Variants in PTPN12 observed in about 807,000 individuals in gnomAD.
PTPN12 encodes tyrosine-protein phosphatase non-receptor type 12.
In PTPN12, 29 loss-of-function variants were observed where a neutral mutation model predicts 97.6. That is an observed-to-expected ratio of 0.30 (90% CI 0.22 to 0.41). The LOEUF (loss-of-function observed/expected upper bound fraction) is 0.41, where lower values mean the gene tolerates loss of function less well. Ranked by LOEUF, PTPN12 falls within the 10% of genes least tolerant of loss-of-function variation. The pLI is 1.00. For synonymous variants in PTPN12, 327 were observed against 300.4 expected (o/e 1.09, Z -0.91); for missense variants, 819 against 926.0 (o/e 0.88, Z 1.50).
At chr7:77,586,667 G>C (rs1184333021) in intron 5 of PTPN12, among the ~76,000 whole-genome samples, 1 of 152,218 alleles carries the variant, frequency 6.6e-6, no homozygotes, top group African/African-American at 2.4e-5. Flanking sequence ...ATGCCATGCT[G>C]TTTGATAGCA....
chr7:77,547,909 C>T lies in PTPN12; in HGVS notation c.99+10264C>T, dbSNP rs117025135. ...TATAAAATAAGAAAATCTTATGTAC[C>T]CAAATAATAGGATTTCCAAAGGAAT... On this transcript the variant is annotated intron_variant, in intron 1 of 17. Coordinates refer to ENST00000248594, the MANE Select transcript of PTPN12 (RefSeq NM_002835.4). Among the ~76,000 whole-genome samples, 903 of 152,090 alleles carry T rather than the reference C, an allele frequency of 5.9e-3. 2 individuals are homozygous for T. The highest frequency in any genetic ancestry group is 1.0e-2 in the Non-Finnish European group (677 of 67,994).
Position 77,625,472 on chromosome 7 carries a change from G to GCTTGCGCGCTCTCTCTCTCTCTCTCT in PTPN12, c.1026-1231_1026-1230insTGCGCGCTCTCTCTCTCTCTCTCTCT, listed in dbSNP as rs1554326598. On this transcript the variant is annotated intron_variant, in intron 12 of 17. Transcript: ENST00000248594. Reference sequence around the variant, plus strand: ...TTTTGCCATATTGCCCAGGCTGCTCGCTCTCTCTCTCTCTCTCTCTCTCTC... The same window carrying GCTTGCGCGCTCTCTCTCTCTCTCTCT: ...TTTTGCCATATTGCCCAGGCTGCTCGCTTGCGCGCTCTCTCTCTCTCTCTCTCTCTCTCTCTCTCTCTCTCTCTCTC... Among the ~76,000 whole-genome samples, 9 of 33,530 alleles carry GCTTGCGCGCTCTCTCTCTCTCTCTCT rather than the reference G, an allele frequency of 2.7e-4. 1 individual carries two copies. The highest frequency in any genetic ancestry group is 1.2e-3 in the African/African-American group (9 of 7,530). 22.0% of individuals were successfully genotyped at this position (33,530 alleles called of 152,430 possible).
At chr7:77,626,049 G>A (rs1391853604) in intron 12 of PTPN12, among the ~76,000 whole-genome samples, 1 of 152,154 alleles carries the variant, frequency 6.6e-6, no homozygotes, top group Non-Finnish European at 1.5e-5. Flanking sequence ...GAGGCCAAAA[G>A]TTACTAACAA....
At chr7:77,637,831 C>T (rs1439666602) in intron 16 of PTPN12, among the ~76,000 whole-genome samples, 7 of 117,970 alleles carry the variant, frequency 5.9e-5, no homozygotes, top group Non-Finnish European at 8.0e-5. Flanking sequence ...CACTCCAACC[C>T]GGGCAACAAG....
chr7:77,553,117 A>G (rs1807554408), intron 1 of PTPN12, among the ~76,000 whole-genome samples: 1 of 152,212 alleles, frequency 6.6e-6, no homozygotes, highest in Non-Finnish European at 1.5e-5. Flanking sequence ...CCCTACATCC[A>G]AAATTTTTTG....
At chr7:77,600,115 C>T (rs943370784) in intron 7 of PTPN12, among the ~76,000 whole-genome samples, 19 of 152,040 alleles carry the variant, frequency 1.2e-4, no homozygotes, top group African/African-American at 4.6e-4. Context: ...GTACCCAGAC[C>T]GTATATTGAG....
rs141391997 is a variant in PTPN12 at position 77,565,496 on chromosome 7, A to G, written c.100-5582A>G. On this transcript the variant is annotated intron_variant, in intron 1 of 17. Transcript: ENST00000248594. ...TGAACTGCTGTTGAATGGTGGTGCT[A>G]TTTGGGCATGTTTGTGATGCCCATT... Among the ~76,000 whole-genome samples, 1,333 of 152,332 alleles carry G rather than the reference A, an allele frequency of 8.8e-3. 12 individuals carry two copies. The highest frequency in any genetic ancestry group is 9.1e-3 in the Non-Finnish European group (621 of 68,030).
At chr7:77,622,695 C>T (rs559715690) in intron 12 of PTPN12, among the ~76,000 whole-genome samples, 204 of 151,902 alleles carry the variant, frequency 1.3e-3, no homozygotes, top group Non-Finnish European at 2.3e-3. Flanking sequence ...CGCTTGAACC[C>T]GGGAGGCGGA....
intron 12 of PTPN12, among the ~76,000 whole-genome samples, chr7:77,626,133 G>A (rs763776561): frequency 6.6e-6 from 1 of 152,182 alleles, no homozygotes; most frequent in African/African-American, 2.4e-5. Flanking sequence ...CTGCAAGAAA[G>A]TTAGAAGAAA....
At chr7:77,632,834 A>G (rs932261519) in intron 14 of PTPN12, among the ~76,000 whole-genome samples, 3 of 152,136 alleles carry the variant, frequency 2.0e-5, no homozygotes, top group Non-Finnish European at 4.4e-5. Flanking sequence ...GTGGACACCT[A>G]TAATCTCAGC....
chr7:77,551,023 A>T (rs999229988), intron 1 of PTPN12, among the ~76,000 whole-genome samples: 38 of 152,174 alleles, frequency 2.5e-4, no homozygotes, highest in African/African-American at 7.0e-4. Flanking sequence ...ATGCTTCAGG[A>T]TCTTGATCCC....
intron 5 of PTPN12, among the ~76,000 whole-genome samples, chr7:77,590,312 C>T (rs1250829121): frequency 6.6e-6 from 1 of 152,174 alleles, no homozygotes; most frequent in Non-Finnish European, 1.5e-5. Flanking sequence ...GCTTTCTATT[C>T]TTAACTAAAT....
chr7:77,547,599 TG>T (rs1383855264), intron 1 of PTPN12, among the ~76,000 whole-genome samples: 1 of 152,130 alleles, frequency 6.6e-6, no homozygotes, highest in Non-Finnish European at 1.5e-5. Flanking sequence ...AGATAATATA[TG>T]TAAAGTTTCT....
At chr7:77,565,657 G>A (rs555602749) in intron 1 of PTPN12, among the ~76,000 whole-genome samples, 4 of 152,250 alleles carry the variant, frequency 2.6e-5, no homozygotes, top group Non-Finnish European at 4.4e-5. Context: ...CACACAAGTG[G>A]GTATCTTAAA....
chr7:77,605,409 G>GTTTTTTTTTTTTTTTTTTT (rs751962814), intron 8 of PTPN12, among the ~76,000 whole-genome samples: 4 of 95,560 alleles, frequency 4.2e-5, no homozygotes, highest in Admixed American at 1.3e-4. Context: ...TTTGTCATGA[G>GTTTTTTTTTTTTTTTTTTT]TTTTTTTTTT....
intron 3 of PTPN12, among the ~76,000 whole-genome samples, chr7:77,581,821 CGTT>C (rs1787524974): frequency 6.6e-6 from 1 of 152,142 alleles, no homozygotes. Flanking sequence ...CATCAATCCC[CGTT>C]GTTGACCCAT....
At chr7:77,540,412 A>C (rs774673781) in intron 1 of PTPN12, among the ~76,000 whole-genome samples, 3 of 151,434 alleles carry the variant, frequency 2.0e-5, no homozygotes, top group Non-Finnish European at 4.4e-5. Context: ...TAATTTTTGT[A>C]TTTTTAGTAG....
At chr7:77,616,531 T>G (rs1301950774) in intron 11 of PTPN12, among the ~76,000 whole-genome samples, 1 of 152,224 alleles carries the variant, frequency 6.6e-6, no homozygotes, top group Admixed American at 6.5e-5. Flanking sequence ...TTGTTTTGTT[T>G]TTGTGAATTC....
chr7:77,584,862 G>T (rs1040737878), intron 4 of PTPN12, among the ~76,000 whole-genome samples: 6 of 150,488 alleles, frequency 4.0e-5, no homozygotes, highest in Non-Finnish European at 7.4e-5. Flanking sequence ...GGGCGACAGA[G>T]CGAGACTCCG....
Sources: gnomAD v4.1 joint callset for allele counts (sites outside exome capture counted in the v4.1 genomes callset) on GRCh38, gnomAD v4.1.1 for gene constraint, MANE v1.5 for transcripts, NCBI Gene and HGNC (gene_info 2026-07-23, HGNC 2026-07-21) for gene names.